Variants in CTNNA2 observed in about 807,000 individuals in gnomAD.
CTNNA2 encodes catenin alpha 2.
CTNNA2 carries 42 observed loss-of-function variants against 101.0 expected under a neutral mutation model. The ratio of observed to expected loss-of-function variants is 0.42; its 90% CI spans 0.32 to 0.54. The LOEUF (loss-of-function observed/expected upper bound fraction) is 0.54. CTNNA2 is among the 20% of genes least tolerant of loss of function. CTNNA2 has a pLI of 0.14. For missense variants in CTNNA2, 871 were observed against 1,223.1 expected, an observed-to-expected ratio of 0.71 and a Z score of 4.29; for synonymous variants, 450 against 456.4, an observed-to-expected ratio of 0.99 and a Z score of 0.18.
In CTNNA2 at chr2:80,031,539, A is replaced by T. The variant is rs116477375; in HGVS notation, c.1056+121742A>T. Among the ~76,000 whole-genome samples, 1,092 of 152,272 alleles carry T rather than the reference A, an allele frequency of 7.2e-3. 14 individuals carry two copies. The highest frequency in any genetic ancestry group is 0.025 in the African/African-American group (1,050 of 41,534). On this transcript the variant is annotated intron_variant, in intron 7 of 18. Transcript: ENST00000402739. ...TACTATCGTGAGAACAGCAGGAAAA[A>T]TCTGTACCCATGATTCAGTTACCTC...
intron 9 of CTNNA2, among the ~76,000 whole-genome samples, chr2:80,422,261 C>T (rs151195630): frequency 0.011 from 1,599 of 152,242 alleles, 54 homozygotes; most frequent in East Asian, 0.093. Context: ...ACCATCAGAT[C>T]TCATGAGACT....
intron 2 of CTNNA2, among the ~76,000 whole-genome samples, chr2:79,287,155 T>C (rs1486968005): frequency 2.6e-5 from 4 of 152,280 alleles, no homozygotes; most frequent in Admixed American, 1.3e-4. Flanking sequence ...TTATACATTC[T>C]TCTAAATTTT....
At chr2:79,226,802 G>A (rs942759762) in intron 2 of CTNNA2, among the ~76,000 whole-genome samples, 2 of 152,094 alleles carry the variant, frequency 1.3e-5, no homozygotes, top group African/African-American at 2.4e-5. Context: ...GGATTCTAGG[G>A]TCATATGATG....
At chr2:80,036,068 AG>A (rs1238807759) in intron 7 of CTNNA2, among the ~76,000 whole-genome samples, 15 of 152,214 alleles carry the variant, frequency 9.9e-5, no homozygotes, top group African/African-American at 3.6e-4. Context: ...TCAGGGTTTG[AG>A]GAACTGGGGC....
At chr2:80,183,850 C>T (rs781310277) in intron 7 of CTNNA2, among the ~76,000 whole-genome samples, 42 of 150,566 alleles carry the variant, frequency 2.8e-4, no homozygotes, top group Non-Finnish European at 2.8e-4. Flanking sequence ...CGATTAACCT[C>T]GCGATTAAAC....
chr2:79,495,090 A>C (rs564721448), intron 4 of CTNNA2, among the ~76,000 whole-genome samples: 1 of 152,118 alleles, frequency 6.6e-6, no homozygotes, highest in Non-Finnish European at 1.5e-5. Context: ...GCGACAGAGC[A>C]AAACTCCGTC....
At position 79,253,534 on chromosome 2, in the gene CTNNA2, GT is replaced by G. The variant is rs1277760948; in HGVS notation, c.-406+55460del. ...TTCAAACAGCTTGACTTATATTACTGTTCTGGTAGGCTGCCAGGAACCCCAA... is the reference window on the plus strand; with the variant it reads ...TTCAAACAGCTTGACTTATATTACTGTCTGGTAGGCTGCCAGGAACCCCAA... On this transcript the variant is annotated intron_variant, in intron 2 of 21. Transcript: ENST00000466387. Among the ~76,000 whole-genome samples, 4 of 152,138 alleles carry G rather than the reference GT, an allele frequency of 2.6e-5. No individual in the cohort carries two copies. The East Asian group carries it at 7.7e-4, about 29-fold the overall frequency.
chr2:79,257,501 A>G (rs531148264), intron 2 of CTNNA2, among the ~76,000 whole-genome samples: 4 of 151,922 alleles, frequency 2.6e-5, no homozygotes, highest in African/African-American at 9.6e-5. Flanking sequence ...AGTAGGTTAA[A>G]AAAAAAAAAA....
At chr2:80,625,623 T>G (rs1322578740) in intron 18 of CTNNA2, among the ~76,000 whole-genome samples, 4 of 151,974 alleles carry the variant, frequency 2.6e-5, no homozygotes, top group Non-Finnish European at 5.9e-5. Flanking sequence ...TGAATGCTCA[T>G]TTTTTTCCCT....
At chr2:80,573,995 A>C (rs545290080) in intron 12 of CTNNA2, among the ~76,000 whole-genome samples, 168 bp from the exon 13 acceptor site, 4 of 152,160 alleles carry the variant, frequency 2.6e-5, no homozygotes, top group Non-Finnish European at 5.9e-5. Context: ...CTCCTGAGGT[A>C]ACTGTCATAA....
At chr2:80,642,959 G>A (rs1673654853) in intron 18 of CTNNA2, among the ~76,000 whole-genome samples, 1 of 152,000 alleles carries the variant, frequency 6.6e-6, no homozygotes, top group African/African-American at 2.4e-5. Context: ...AATAGAGGCA[G>A]GGGAAAAAAA....
Position 80,394,040 on chromosome 2 carries a change from CA to C in CTNNA2, c.1137+750del, listed in dbSNP as rs1038375854. 1.8e-4 allele frequency among the ~76,000 whole-genome samples: 27 copies of C among 152,282 alleles called. 1 individual carries two copies. Among genetic ancestry groups the C allele is most frequent in the African/African-American group, 5.5e-4 (23 of 41,560 alleles). On this transcript the variant is annotated intron_variant, in intron 8 of 18. Transcript: ENST00000402739. ...AAACCCCCTCTTCTTGATTTCTGCC[CA>C]GGAGGGCAGAATCCTGTCTCCTGCT...
intron 7 of CTNNA2, among the ~76,000 whole-genome samples, chr2:79,944,651 C>T (rs2104468426): frequency 6.6e-6 from 1 of 152,266 alleles, no homozygotes; most frequent in South Asian, 2.1e-4. Flanking sequence ...AAAGTTTTAG[C>T]ATAAGGAGAT....
At chr2:79,699,308 A>G (rs574793501) in intron 2 of CTNNA2, among the ~76,000 whole-genome samples, 282 of 152,212 alleles carry the variant, frequency 1.9e-3, no homozygotes, top group South Asian at 3.3e-3. Context: ...TCAATTTTCC[A>G]TTCCTGATTC....
At chr2:80,564,444 T>G (rs1693871689) in intron 12 of CTNNA2, among the ~76,000 whole-genome samples, 1 of 152,006 alleles carries the variant, frequency 6.6e-6, no homozygotes, top group East Asian at 1.9e-4. Context: ...AATTTGTGTC[T>G]AGACAAGAGC....
At chr2:79,631,719 A>C (rs1257341694) in intron 1 of CTNNA2, among the ~76,000 whole-genome samples, 1 of 152,154 alleles carries the variant, frequency 6.6e-6, no homozygotes, top group Non-Finnish European at 1.5e-5. Context: ...GTACTTTCTA[A>C]AGCAGAAAAA....
At chr2:79,759,039 G>T (rs1235968745) in intron 3 of CTNNA2, among the ~76,000 whole-genome samples, 1 of 152,186 alleles carries the variant, frequency 6.6e-6, no homozygotes, top group Non-Finnish European at 1.5e-5. Flanking sequence ...ACCCAGCATT[G>T]TGGAGCTAAG....
chr2:79,464,754 A>G (rs1273427849), intron 4 of CTNNA2, among the ~76,000 whole-genome samples: 1 of 151,590 alleles, frequency 6.6e-6, no homozygotes, highest in African/African-American at 2.4e-5. Flanking sequence ...GCATTTTTTC[A>G]TGTGTCTTTT....
At chr2:79,906,876 G>A (rs1294693733) in intron 6 of CTNNA2, among the ~76,000 whole-genome samples, 5 of 152,150 alleles carry the variant, frequency 3.3e-5, no homozygotes, top group Non-Finnish European at 4.4e-5. Context: ...TAGGTCATGC[G>A]GTATTTCCAA....
Sources: allele counts gnomAD v4.1 joint callset (sites outside exome capture counted in the v4.1 genomes callset), GRCh38; gene constraint gnomAD v4.1.1; transcripts MANE v1.5; gene names NCBI Gene and HGNC (gene_info 2026-07-23, HGNC 2026-07-21).